ERI3: variants seen among roughly 807,000 people sequenced by gnomAD.
ERI3 encodes ERI1 exoribonuclease family member 3.
In ERI3, 18 loss-of-function variants were observed where a neutral mutation model predicts 44.4. The ratio of observed to expected loss-of-function variants is 0.41; its 90% CI spans 0.28 to 0.60. The LOEUF is 0.60. Among genes scored for constraint, ERI3 ranks in the 20% least tolerant of loss-of-function variants. The probability of loss-of-function intolerance (pLI) is 0.36; values close to 1 mark genes in which losing one functional copy is unlikely to be tolerated. For synonymous variants in ERI3, 183 were observed against 164.8 expected (o/e 1.11, Z -0.84); for missense variants, 294 against 435.5 (o/e 0.68, Z 2.89).
chr1:44,233,968 A>G (rs1017894268), intron 8 of ERI3, among the ~76,000 whole-genome samples: 1 of 152,176 alleles, frequency 6.6e-6, no homozygotes, highest in Non-Finnish European at 1.5e-5. Flanking sequence ...TGATTGATAG[A>G]CAATTGGTGA....
chr1:44,292,096 G>A (rs1198183174), intron 6 of ERI3, among the ~76,000 whole-genome samples: 4 of 152,140 alleles, frequency 2.6e-5, no homozygotes, highest in Admixed American at 6.5e-5. Context: ...TAAGGAGATC[G>A]ATTGAGACCA....
intron 3 of ERI3, among the ~76,000 whole-genome samples, chr1:44,319,980 T>C (rs982598925): frequency 2.0e-5 from 3 of 152,142 alleles, no homozygotes; most frequent in East Asian, 1.9e-4. Context: ...CTCATCCCCA[T>C]TGTTTCTGGA....
intron 7 of ERI3, among the ~76,000 whole-genome samples, chr1:44,261,246 G>A (rs1401064250): frequency 6.6e-6 from 1 of 152,278 alleles, no homozygotes; most frequent in Non-Finnish European, 1.5e-5. Flanking sequence ...CCGGCTGGCA[G>A]ATCTGAGAGC....
At chr1:44,321,678 T>C (rs767445089) in intron 3 of ERI3, among the ~76,000 whole-genome samples, 1 of 152,166 alleles carries the variant, frequency 6.6e-6, no homozygotes, top group Non-Finnish European at 1.5e-5. Flanking sequence ...GAAGAAACAC[T>C]TCCTCAACAG....
At chr1:44,227,958 C>G (rs569991926) in intron 8 of ERI3, among the ~76,000 whole-genome samples, 56 of 152,250 alleles carry the variant, frequency 3.7e-4, no homozygotes, top group African/African-American at 1.2e-3. Flanking sequence ...AAAACAGTAG[C>G]TCGGTTAGTT....
intron 6 of ERI3, among the ~76,000 whole-genome samples, chr1:44,290,765 G>T (rs975639321): frequency 1.3e-5 from 2 of 152,122 alleles, no homozygotes; most frequent in African/African-American, 4.8e-5. Flanking sequence ...TTTTCCTCAA[G>T]TTGAGGAGAG....
intron 3 of ERI3, among the ~76,000 whole-genome samples, chr1:44,336,219 C>T (rs1265667967): frequency 1.3e-5 from 2 of 152,172 alleles, no homozygotes; most frequent in Admixed American, 1.3e-4. Context: ...CTATGTTGAC[C>T]TCAATGGAAG....
chr1:44,321,591 A>G (rs1437645891), intron 3 of ERI3, among the ~76,000 whole-genome samples: 3 of 152,120 alleles, frequency 2.0e-5, no homozygotes, highest in African/African-American at 7.2e-5. Context: ...CCAAGAGCCA[A>G]CTCTGAGGTG....
chr1:44,248,882 C>G lies in ERI3; in HGVS notation c.832-844G>C, dbSNP rs551836061. Reference sequence around the variant, plus strand: ...CAGGCCCCAGCACTCCATTGCCCCCCCTCCATCCCCTTCCCTCACCACCTG... The same window carrying G: ...CAGGCCCCAGCACTCCATTGCCCCCGCTCCATCCCCTTCCCTCACCACCTG... On this transcript the variant is annotated intron_variant, in intron 7 of 8. Coordinates refer to ENST00000372257, the MANE Select transcript of ERI3 (RefSeq NM_024066.3). Among the ~76,000 whole-genome samples the G allele has an allele frequency of 1.1e-3, 161 of 152,206 alleles. 1 individual carries two copies. The South Asian group carries it at 0.031, about 29-fold the overall frequency.
chr1:44,310,594 G>GA (rs952774768), intron 5 of ERI3, among the ~76,000 whole-genome samples: 3 of 152,134 alleles, frequency 2.0e-5, no homozygotes, highest in Non-Finnish European at 4.4e-5. Context: ...TGCTCAGCAG[G>GA]AAAGAGACAG....
At chr1:44,348,091 C>A (rs1220759150) in intron 2 of ERI3, among the ~76,000 whole-genome samples, 3 of 152,214 alleles carry the variant, frequency 2.0e-5, no homozygotes, top group African/African-American at 7.2e-5. Context: ...ATGATGCCAA[C>A]TGCTCTGGAA....
chr1:44,275,396 G>C (rs887049046), intron 7 of ERI3, among the ~76,000 whole-genome samples: 2 of 152,144 alleles, frequency 1.3e-5, no homozygotes, highest in Non-Finnish European at 2.9e-5. Flanking sequence ...CTGCTGACCT[G>C]CTATGGCCCC....
At chr1:44,324,324 A>G (rs1646262541) in intron 3 of ERI3, among the ~76,000 whole-genome samples, 1 of 152,210 alleles carries the variant, frequency 6.6e-6, no homozygotes, top group Non-Finnish European at 1.5e-5. Context: ...TCAAACTCAG[A>G]TATTTCACAG....
chr1:44,353,026 G>A, intron 1 of ERI3, 101 bp from the exon 2 acceptor site: 3 of 1,573,668 alleles, frequency 1.9e-6, no homozygotes, highest in Non-Finnish European at 2.6e-6. Context: ...CAAACTTCGG[G>A]ATAACTGCTA....
chr1:44,321,288 T>C (rs898966105), intron 3 of ERI3, among the ~76,000 whole-genome samples: 7 of 152,078 alleles, frequency 4.6e-5, no homozygotes, highest in African/African-American at 1.4e-4. Context: ...TGGGCTGATC[T>C]CCAAAGATGA....
chr1:44,346,650 G>T (rs1646788913), intron 2 of ERI3, among the ~76,000 whole-genome samples: 5 of 152,210 alleles, frequency 3.3e-5, no homozygotes, highest in Admixed American at 2.0e-4. Flanking sequence ...CAGAAGAGAG[G>T]TACCCAGAAC....
intron 7 of ERI3, among the ~76,000 whole-genome samples, chr1:44,263,601 A>G (rs1456054070): frequency 6.6e-6 from 1 of 152,188 alleles, no homozygotes. Context: ...CACACTCTCT[A>G]AGCAACCAGG....
intron 3 of ERI3, among the ~76,000 whole-genome samples, chr1:44,325,841 G>C (rs1646302105): frequency 1.3e-5 from 2 of 152,056 alleles, no homozygotes; most frequent in African/African-American, 4.8e-5. Context: ...TAAAGACAGG[G>C]TTTTGCCACG....
chr1:44,342,858 T>TATAAATATATATATATATATA (rs1408660607), intron 2 of ERI3, among the ~76,000 whole-genome samples: 1 of 11,370 alleles, frequency 8.8e-5, no homozygotes, highest in Non-Finnish European at 1.6e-4. Context: ...TATATATATA[T>TATAAATATATATATATATATA]TTTTTTTTTT....
Sources: allele counts gnomAD v4.1 joint callset (sites outside exome capture counted in the v4.1 genomes callset), GRCh38; gene constraint gnomAD v4.1.1; transcripts MANE v1.5; gene names NCBI Gene and HGNC (gene_info 2026-07-23, HGNC 2026-07-21).